Variants in MIER1 observed in about 807,000 individuals in gnomAD.
MIER1 encodes mesoderm induction early response protein 1.
In MIER1, 40 loss-of-function variants were observed where a neutral mutation model predicts 75.7. The ratio of observed to expected loss-of-function variants is 0.53; its 90% CI spans 0.41 to 0.69. The LOEUF (loss-of-function observed/expected upper bound fraction) is 0.69, where lower values mean the gene tolerates loss of function less well. Among genes scored for constraint, MIER1 ranks in the 30% least tolerant of loss-of-function variants. The pLI, the probability that MIER1 is intolerant of heterozygous loss-of-function variation, is 0.00. For missense variants in MIER1, 574 were observed against 680.2 expected (o/e 0.84, Z 1.74); for synonymous variants, 213 against 223.4 (o/e 0.95, Z 0.42).
chr1:66,984,354 T>C (rs1666477975), intron 13 of MIER1, among the ~76,000 whole-genome samples: 1 of 152,232 alleles, frequency 6.6e-6, no homozygotes, highest in South Asian at 2.1e-4. Context: ...GAGGAATATC[T>C]ATTATGATCT....
intron 13 of MIER1, among the ~76,000 whole-genome samples, chr1:66,982,456 C>G (rs1340288413): frequency 1.3e-5 from 2 of 152,102 alleles, no homozygotes; most frequent in African/African-American, 4.8e-5. Context: ...AAAAGGCATA[C>G]CAATTGTTTG....
chr1:66,926,289 C>T, intron 2 of MIER1, 47 bp downstream of exon 2: 1 of 1,361,770 alleles, frequency 7.3e-7, no homozygotes, highest in South Asian at 1.2e-5. Context: ...AATCCAAACT[C>T]CCTCAAGTAA....
At position 66,981,902 on chromosome 1, in the gene MIER1, C is replaced by T; in HGVS notation, c.1353C>T (p.Ser451=). ...SQSEKEDGTV[S]TANQNGVSSN... is the part of the protein sequence containing the mutation. ...CTGAGAAAGAAGATGGCACTGTAAG[C>T]ACTGCTAATCAAAATGGTAAGCAAC... Residue 451 remains serine, a synonymous_variant, in exon 13 of 14, where the codon AGC becomes AGT. Transcript: ENST00000401041. 1 of 1,613,792 alleles carries T rather than the reference C, an allele frequency of 6.2e-7. No homozygotes were observed. Among genetic ancestry groups the T allele is most frequent in the Non-Finnish European group, 8.5e-7 (1 of 1,179,836 alleles).
intron 11 of MIER1, among the ~76,000 whole-genome samples, chr1:66,976,310 A>G (rs1347615720): frequency 6.6e-6 from 1 of 152,190 alleles, no homozygotes; most frequent in Non-Finnish European, 1.5e-5. Flanking sequence ...CCAACTTCCA[A>G]GCATTTTTAA....
chr1:66,937,022 AG>A (rs1387824747), intron 2 of MIER1, among the ~76,000 whole-genome samples: 3 of 139,914 alleles, frequency 2.1e-5, no homozygotes, highest in African/African-American at 8.1e-5. Flanking sequence ...AAAAAAAAAG[AG>A]AAAAAGAAAA....
intron 12 of MIER1, among the ~76,000 whole-genome samples, chr1:66,979,972 C>T (rs1373423305): frequency 6.6e-6 from 1 of 152,082 alleles, no homozygotes; most frequent in African/African-American, 2.4e-5. Flanking sequence ...CCATGTTGGT[C>T]AGGCTGGTCT....
intron 12 of MIER1, among the ~76,000 whole-genome samples, chr1:66,980,526 T>TA (rs1339033277): frequency 6.6e-6 from 1 of 152,178 alleles, no homozygotes; most frequent in Non-Finnish European, 1.5e-5. Flanking sequence ...TAACTACAAT[T>TA]AATAGCATAT....
At position 66,926,174 on chromosome 1, in the gene MIER1, G is replaced by A; in HGVS notation, c.100G>A (p.Ala34Thr). 6.2e-7 allele frequency: 1 copy of A among 1,613,886 alleles called. No homozygotes were observed. The highest frequency in any genetic ancestry group is 8.5e-7 in the Non-Finnish European group (1 of 1,179,820). Residue 34 changes from alanine to threonine, a missense_variant, in exon 2 of 14, where the codon GCT (alanine) becomes ACT (threonine). Transcript: ENST00000401041. ...GVVARFSQCL[A>T]EFRTWLRTNW... ...GGTCGCTCGATTCTCCCAGTGCCTG[G>A]CTGAGTTTCGGACGTGGTTAAGAAC... is the stretch of plus-strand genomic sequence containing the variant.
intron 7 of MIER1, among the ~76,000 whole-genome samples, chr1:66,960,831 T>C (rs987192060): frequency 6.6e-6 from 1 of 152,186 alleles, no homozygotes; most frequent in Non-Finnish European, 1.5e-5. Flanking sequence ...TTCATCCTGT[T>C]TTTAATCTGA....
At chr1:66,956,387 C>T (rs988665022) in intron 4 of MIER1, among the ~76,000 whole-genome samples, 2 of 152,208 alleles carry the variant, frequency 1.3e-5, no homozygotes, top group Admixed American at 6.5e-5. Flanking sequence ...GCACTCCAGC[C>T]TGGGTGACAG....
chr1:66,985,757 A>G lies in MIER1; in HGVS notation c.*857A>G, dbSNP rs1397537263. On this transcript the variant is annotated 3_prime_UTR_variant, in exon 14 of 14. Transcript: ENST00000401041. ...CTAATGAATTTTTAAGTGTTTGTGTAGTAATTAAGTCATATTTCTTATCCA... is the reference window on the plus strand; with the variant it reads ...CTAATGAATTTTTAAGTGTTTGTGTGGTAATTAAGTCATATTTCTTATCCA... 1.0e-5 allele frequency: 10 copies of G among 962,048 alleles called. No individual in the cohort carries two copies. The highest frequency in any genetic ancestry group is 1.2e-5 in the Non-Finnish European group (10 of 809,514). The allele number at this position is 962,048 out of a possible 1,614,324, so 59.6% of individuals were successfully genotyped here. A position where few individuals can be genotyped will look rare whatever the true frequency, so the allele number is the denominator to read the frequency against.
intron 13 of MIER1, among the ~76,000 whole-genome samples, chr1:66,983,794 C>T (rs529922560): frequency 1.3e-4 from 20 of 152,320 alleles, no homozygotes; most frequent in African/African-American, 4.3e-4. Flanking sequence ...GTGGCACAAT[C>T]TCGGCTCACT....
intron 11 of MIER1, among the ~76,000 whole-genome samples, chr1:66,973,986 GA>G (rs1431656905): frequency 2.6e-5 from 4 of 151,854 alleles, no homozygotes; most frequent in African/African-American, 4.8e-5. Flanking sequence ...GTATCCAGTT[GA>G]TTTTTTTGAC....
intron 4 of MIER1, among the ~76,000 whole-genome samples, chr1:66,954,269 C>T (rs139645228): frequency 1.3e-5 from 2 of 152,302 alleles, no homozygotes; most frequent in East Asian, 3.9e-4. Flanking sequence ...GTAATTTCCC[C>T]TAAATACTTC....
At chr1:66,952,801 C>T (rs1002477927) in intron 4 of MIER1, among the ~76,000 whole-genome samples, 1 of 152,120 alleles carries the variant, frequency 6.6e-6, no homozygotes, top group Non-Finnish European at 1.5e-5. Context: ...GCTGCCACAC[C>T]CAGCTAATTC....
chr1:66,976,915 C>T (rs1664829737), intron 12 of MIER1, among the ~76,000 whole-genome samples, 193 bp downstream of exon 12: 1 of 152,020 alleles, frequency 6.6e-6, no homozygotes, highest in African/African-American at 2.4e-5. Flanking sequence ...ATAAATAAGG[C>T]ATTTAGACTT....
At chr1:66,925,789 C>T (rs1651571274) in intron 1 of MIER1, among the ~76,000 whole-genome samples, 1 of 152,136 alleles carries the variant, frequency 6.6e-6, no homozygotes, top group Non-Finnish European at 1.5e-5. Flanking sequence ...CTTCAGTTTT[C>T]CCTATTTAAA....
At position 66,956,151 on chromosome 1, in the gene MIER1, G is replaced by C. The variant is rs529488508; in HGVS notation, c.340-1908G>C. ...ATAAAACTAGCTTTAGGCTGGGCAC[G>C]GTGGCTCATGTTTCCAATCCTACAT... On this transcript the variant is annotated intron_variant, in intron 4 of 13. Coordinates refer to ENST00000401041, the MANE Select transcript of MIER1 (RefSeq NM_001077700.3). 9.7e-4 allele frequency among the ~76,000 whole-genome samples: 148 copies of C among 152,204 alleles called. No homozygotes were observed. In the Middle Eastern group the frequency reaches 0.024, roughly 24 times the overall value.
chr1:66,948,260 T>C, intron 4 of MIER1: 1 of 919,766 alleles, frequency 1.1e-6, no homozygotes, highest in African/African-American at 1.8e-5. Context: ...CTGTACTCCA[T>C]GATAAAAAGA....
Sources: gnomAD v4.1 joint callset for allele counts (sites outside exome capture counted in the v4.1 genomes callset) on GRCh38, gnomAD v4.1.1 for gene constraint, MANE v1.5 for transcripts, NCBI Gene and HGNC (gene_info 2026-07-23, HGNC 2026-07-21) for gene names.